ZCCHC7: variants seen among roughly 807,000 people sequenced by gnomAD.
The protein encoded by ZCCHC7 is zinc finger CCHC domain-containing protein 7.
ZCCHC7 carries 35 observed loss-of-function variants against 52.0 expected under a neutral mutation model. The ratio of observed to expected loss-of-function variants is 0.67; its 90% CI spans 0.51 to 0.89. The LOEUF (loss-of-function observed/expected upper bound fraction) is 0.89. Among genes scored for constraint, ZCCHC7 ranks in the 40% least tolerant of loss-of-function variants. ZCCHC7 has a pLI of 0.00. For synonymous variants in ZCCHC7, 217 were observed against 221.5 expected, an observed-to-expected ratio of 0.98 and a Z score of 0.18; for missense variants, 574 against 649.1, an observed-to-expected ratio of 0.88 and a Z score of 1.26.
chr9:37,355,870 G>T (rs1198893144), intron 8 of ZCCHC7, among the ~76,000 whole-genome samples: 1 of 152,136 alleles, frequency 6.6e-6, no homozygotes. Flanking sequence ...TTATGATTAG[G>T]CAACCAAATT....
At chr9:37,292,488 G>A (rs1351446879) in intron 2 of ZCCHC7, among the ~76,000 whole-genome samples, 2 of 152,128 alleles carry the variant, frequency 1.3e-5, no homozygotes, top group Non-Finnish European at 2.9e-5. Flanking sequence ...TCACTACATA[G>A]TCATTATATA....
intron 2 of ZCCHC7, among the ~76,000 whole-genome samples, chr9:37,211,336 A>C (rs930877003): frequency 1.3e-5 from 2 of 151,886 alleles, no homozygotes; most frequent in Non-Finnish European, 2.9e-5. Context: ...ATATGGTTTT[A>C]CTTGTAGGGT....
chr9:37,308,344 G>GT (rs368275429), intron 5 of ZCCHC7, among the ~76,000 whole-genome samples: 1,572 of 147,114 alleles, frequency 0.011, 27 homozygotes, highest in African/African-American at 0.034. Context: ...AATAGCATCT[G>GT]TTTTTTTTTT....
intron 2 of ZCCHC7, among the ~76,000 whole-genome samples, chr9:37,252,447 A>G (rs1410326990): frequency 2.0e-5 from 3 of 152,174 alleles, no homozygotes; most frequent in Non-Finnish European, 4.4e-5. Context: ...TATACTTTGA[A>G]TATGATTTTA....
chr9:37,155,815 A>G (rs1219307019), intron 2 of ZCCHC7, among the ~76,000 whole-genome samples: 2 of 152,366 alleles, frequency 1.3e-5, no homozygotes, highest in East Asian at 3.9e-4. Flanking sequence ...GTGTGAGTAC[A>G]AGGAACATTC....
At chr9:37,216,765 A>G (rs2133239599) in intron 2 of ZCCHC7, among the ~76,000 whole-genome samples, 1 of 152,314 alleles carries the variant, frequency 6.6e-6, no homozygotes, top group Admixed American at 6.5e-5. Flanking sequence ...AAAATTTTCT[A>G]TTAAGACATT....
intron 2 of ZCCHC7, among the ~76,000 whole-genome samples, chr9:37,134,622 C>T (rs562044898): frequency 2.0e-5 from 3 of 152,288 alleles, no homozygotes; most frequent in South Asian, 2.1e-4. Flanking sequence ...TGTTCCTGCC[C>T]TTCCCCTTAT....
chr9:37,156,311 C>CT (rs1485416826), intron 2 of ZCCHC7, among the ~76,000 whole-genome samples: 2 of 152,120 alleles, frequency 1.3e-5, no homozygotes, highest in Admixed American at 6.5e-5. Flanking sequence ...TATCACATTT[C>CT]TTTTTTAATG....
Position 37,321,020 on chromosome 9 carries a change from ACT to A in ZCCHC7, c.952-6776_952-6775del, listed in dbSNP as rs1381839128. ...TTTTTTTTTTTTGAGATGGAATCTCACTCTGTTGCCCAGGCTGGAGTGCAGTG... is the reference window on the plus strand; with the variant it reads ...TTTTTTTTTTTTGAGATGGAATCTCACTGTTGCCCAGGCTGGAGTGCAGTG... On this transcript the variant is annotated intron_variant, in intron 5 of 8. Coordinates refer to ENST00000336755, the MANE Select transcript of ZCCHC7 (RefSeq NM_032226.3). Among the ~76,000 whole-genome samples the A allele has an allele frequency of 4.1e-5, 5 of 121,184 alleles. No homozygotes were observed. In the Admixed American group the frequency reaches 5.5e-4, roughly 13 times the overall value. The allele number at this position is 121,184 out of a possible 152,430, so 79.5% of individuals were successfully genotyped here.
Position 37,142,138 on chromosome 9 carries a change from A to T in ZCCHC7, c.610+15196A>T, listed in dbSNP as rs892073026. Among the ~76,000 whole-genome samples, 4 of 151,936 alleles carry T rather than the reference A, an allele frequency of 2.6e-5. No individual in the cohort carries two copies. The East Asian group carries it at 7.7e-4, about 29-fold the overall frequency. On this transcript the variant is annotated intron_variant, in intron 2 of 8. Coordinates refer to ENST00000336755, the MANE Select transcript of ZCCHC7 (RefSeq NM_032226.3). ...ATTTGCTAAATTAACATAAAATAATAAAGAGATCCTTTTTACCATTTAAAA... is the reference window on the plus strand; with the variant it reads ...ATTTGCTAAATTAACATAAAATAATTAAGAGATCCTTTTTACCATTTAAAA...
intron 2 of ZCCHC7, among the ~76,000 whole-genome samples, chr9:37,211,284 G>T (rs547544417): frequency 6.6e-6 from 1 of 152,142 alleles, no homozygotes; most frequent in Admixed American, 6.5e-5. Flanking sequence ...TTCAATGAAG[G>T]TGTGAAGTTT....
intron 2 of ZCCHC7, among the ~76,000 whole-genome samples, chr9:37,178,068 A>G (rs1351679508): frequency 6.6e-6 from 1 of 152,222 alleles, no homozygotes; most frequent in Non-Finnish European, 1.5e-5. Context: ...TGTGGTGCAC[A>G]TGAGAACTCG....
chr9:37,296,850 C>T lies in ZCCHC7; in HGVS notation c.611-5338C>T, dbSNP rs1337476537. Among the ~76,000 whole-genome samples the T allele has an allele frequency of 2.0e-5, 3 of 149,684 alleles. No individual in the cohort carries two copies. The East Asian group carries it at 5.9e-4, about 29-fold the overall frequency. On this transcript the variant is annotated intron_variant, in intron 2 of 8. Coordinates refer to ENST00000336755, the MANE Select transcript of ZCCHC7 (RefSeq NM_032226.3). ...ACCTCAGCCTCCATATTAGCTGGGA[C>T]TATAGGCATGCACCACCATACCTGG...
intron 6 of ZCCHC7, among the ~76,000 whole-genome samples, chr9:37,344,758 C>T (rs1564268514): frequency 1.3e-5 from 2 of 152,100 alleles, no homozygotes; most frequent in Non-Finnish European, 2.9e-5. Flanking sequence ...ATTTATCTTC[C>T]ACCACTGGAG....
At chr9:37,287,936 T>TA (rs373555727) in intron 2 of ZCCHC7, among the ~76,000 whole-genome samples, 244 of 143,276 alleles carry the variant, frequency 1.7e-3, no homozygotes, top group Middle Eastern at 3.6e-3. Flanking sequence ...TTTAAATGGT[T>TA]AAAAAAAAAA....
intron 2 of ZCCHC7, among the ~76,000 whole-genome samples, chr9:37,172,531 A>G (rs188873740): frequency 1.5e-4 from 23 of 152,360 alleles, no homozygotes; most frequent in Admixed American, 5.9e-4. Context: ...AAAAATTTGA[A>G]TATACACGGT....
chr9:37,174,340 A>T (rs1010932787), intron 2 of ZCCHC7, among the ~76,000 whole-genome samples: 1 of 152,186 alleles, frequency 6.6e-6, no homozygotes, highest in African/African-American at 2.4e-5. Context: ...GGAAACTGCT[A>T]AAGTTCCAGA....
chr9:37,149,862 C>G (rs1034631977), intron 2 of ZCCHC7, among the ~76,000 whole-genome samples: 1 of 152,166 alleles, frequency 6.6e-6, no homozygotes, highest in Admixed American at 6.5e-5. Context: ...ACAAGCATTT[C>G]TCATTTCCTG....
intron 2 of ZCCHC7, among the ~76,000 whole-genome samples, chr9:37,244,948 A>C (rs1196811871): frequency 6.6e-6 from 1 of 151,994 alleles, no homozygotes; most frequent in East Asian, 1.9e-4. Context: ...TGTAAAGTGA[A>C]TCAAATCCTA....
Sources: allele counts gnomAD v4.1 joint callset (sites outside exome capture counted in the v4.1 genomes callset), GRCh38; gene constraint gnomAD v4.1.1; transcripts MANE v1.5; gene names NCBI Gene and HGNC (gene_info 2026-07-23, HGNC 2026-07-21).